Variants in SSH1 observed in about 807,000 individuals in gnomAD.
SSH1 encodes the protein protein phosphatase Slingshot homolog 1.
SSH1 carries 43 observed loss-of-function variants against 79.7 expected under a neutral mutation model. The ratio of observed to expected loss-of-function variants is 0.54; its 90% CI spans 0.42 to 0.70. The LOEUF (loss-of-function observed/expected upper bound fraction) is 0.70, where lower values mean the gene tolerates loss of function less well. Ranked by LOEUF, SSH1 falls within the 30% of genes least tolerant of loss-of-function variation. The pLI is 0.00. For missense variants in SSH1, 1,206 were observed against 1,358.8 expected (o/e 0.89, Z 1.77); for synonymous variants, 599 against 538.3 (o/e 1.11, Z -1.56).
intron 2 of SSH1, among the ~76,000 whole-genome samples, chr12:108,843,817 G>T (rs1028645870): frequency 6.6e-6 from 1 of 152,214 alleles, no homozygotes; most frequent in Non-Finnish European, 1.5e-5. Flanking sequence ...TTACAGGCGT[G>T]AGCCACTGAG....
chr12:108,853,314 G>A (rs933463653), intron 1 of SSH1: 1 of 985,076 alleles, frequency 1.0e-6, no homozygotes, highest in African/African-American at 1.7e-5. Context: ...CACGAGTTTG[G>A]GCTCCAGAAG....
chr12:108,823,393 C>T, intron 2 of SSH1, 32 bp from the exon 3 acceptor site: 1 of 1,529,612 alleles, frequency 6.5e-7, no homozygotes, highest in Non-Finnish European at 8.9e-7. Flanking sequence ...CACAGTTAGA[C>T]CGGAATTCAG....
rs1257855255 is a variant in SSH1 at position 108,787,833 on chromosome 12, T to C, written c.*155A>G. 2 of 971,166 alleles carry C rather than the reference T, an allele frequency of 2.1e-6. No homozygotes were observed. The highest frequency in any genetic ancestry group is 1.6e-5 in the South Asian group (1 of 63,666). 60.2% of individuals were successfully genotyped at this position (971,166 alleles called of 1,614,324 possible). A position where few individuals can be genotyped will look rare whatever the true frequency, so the allele number is the denominator to read the frequency against. Reference sequence around the variant, plus strand: ...TTGTGCTGCATGTTGGTTAGTTTCTTCTCCTCCTCTCTATGGCAAGAGTAG... The same window carrying C: ...TTGTGCTGCATGTTGGTTAGTTTCTCCTCCTCCTCTCTATGGCAAGAGTAG... On this transcript the variant is annotated 3_prime_UTR_variant, in exon 15 of 15. Transcript: ENST00000326495.
intron 6 of SSH1, among the ~76,000 whole-genome samples, chr12:108,810,225 T>A (rs1456618606): frequency 6.6e-6 from 1 of 151,296 alleles, no homozygotes; most frequent in African/African-American, 2.4e-5. Flanking sequence ...ATATAAAATA[T>A]AAAAAATTAA....
rs926194641 is a variant in SSH1 at position 108,847,215 on chromosome 12, C to T, written c.110+5423G>A. Among the ~76,000 whole-genome samples the T allele has an allele frequency of 2.0e-5, 3 of 152,136 alleles. No homozygotes were observed. The South Asian group carries it at 6.2e-4, about 31-fold the overall frequency. On this transcript the variant is annotated intron_variant, in intron 2 of 14. Transcript: ENST00000326495. ...GGCCTGGCCTAGACAAGGAACATCA[C>T]ACAACTACTCCACAACCCTGAAAGG... is the stretch of plus-strand genomic sequence containing the variant.
At chr12:108,810,758 A>G (rs575247926) in intron 6 of SSH1, among the ~76,000 whole-genome samples, 12 of 152,282 alleles carry the variant, frequency 7.9e-5, no homozygotes, top group African/African-American at 2.4e-4. Flanking sequence ...CGGACGCTAG[A>G]CGGCCCCTCA....
chr12:108,787,583 T>G lies in SSH1; in HGVS notation c.*405A>C. ...AGGACTTAATGTTGCCATCCGAGAGTTTTCTGCGAGGCCAAGAATGAGCTA... is the reference window on the plus strand; with the variant it reads ...AGGACTTAATGTTGCCATCCGAGAGGTTTCTGCGAGGCCAAGAATGAGCTA... On this transcript the variant is annotated 3_prime_UTR_variant, in exon 15 of 15. Transcript: ENST00000326495. 5.0e-6 allele frequency: 1 copy of G among 200,158 alleles called. No homozygotes were observed. The highest frequency in any genetic ancestry group is 1.0e-5 in the Non-Finnish European group (1 of 96,920). 12.4% of individuals were successfully genotyped at this position (200,158 alleles called of 1,614,324 possible). A position where few individuals can be genotyped will look rare whatever the true frequency, so the allele number is the denominator to read the frequency against.
rs192211107 is a variant in SSH1 at position 108,781,563 on chromosome 12, C to G, written c.*6425G>C. 1.6e-4 allele frequency: 24 copies of G among 152,326 alleles called. No individual in the cohort carries two copies. Among genetic ancestry groups the G allele is most frequent in the African/African-American group, 5.3e-4 (22 of 41,566 alleles). The allele number at this position is 152,326 out of a possible 1,614,324, so 9.4% of individuals were successfully genotyped here. A position where few individuals can be genotyped will look rare whatever the true frequency, so the allele number is the denominator to read the frequency against. ...GAGAGACAGAGCAAGTCCAGATGAA[C>G]TGAACAAAATACTTCCTGGCTCTGC... On this transcript the variant is annotated 3_prime_UTR_variant, in exon 15 of 15. Transcript: ENST00000326495.
intron 14 of SSH1, among the ~76,000 whole-genome samples, chr12:108,791,141 G>A (rs980066535): frequency 6.6e-6 from 1 of 152,158 alleles, no homozygotes; most frequent in African/African-American, 2.4e-5. Context: ...ACGGAGTCTC[G>A]CTCTGTCACC....
intron 2 of SSH1, among the ~76,000 whole-genome samples, chr12:108,837,920 C>T (rs2038679954): frequency 6.6e-6 from 1 of 152,018 alleles, no homozygotes; most frequent in Non-Finnish European, 1.5e-5. Flanking sequence ...GTAGCTGGGA[C>T]TACAGGTGTG....
chr12:108,790,726 T>C (rs2036467168), intron 14 of SSH1, among the ~76,000 whole-genome samples: 1 of 152,226 alleles, frequency 6.6e-6, no homozygotes, highest in Non-Finnish European at 1.5e-5. Flanking sequence ...CATTATAACA[T>C]GCTGTTAATA....
chr12:108,806,957 C>T (rs1234312238), intron 8 of SSH1, among the ~76,000 whole-genome samples: 2 of 152,238 alleles, frequency 1.3e-5, no homozygotes, highest in African/African-American at 4.8e-5. Context: ...GGCTTCCCAT[C>T]CCTCAGGTCT....
intron 11 of SSH1, among the ~76,000 whole-genome samples, chr12:108,801,887 A>G (rs1342431356): frequency 1.3e-5 from 2 of 152,160 alleles, no homozygotes; most frequent in Admixed American, 1.3e-4. Flanking sequence ...CCAGGCCCCA[A>G]AGCATTAGCT....
chr12:108,796,114 C>A (rs1406238935), intron 13 of SSH1, among the ~76,000 whole-genome samples: 1 of 152,120 alleles, frequency 6.6e-6, no homozygotes, highest in Non-Finnish European at 1.5e-5. Flanking sequence ...CGGGGTTTAA[C>A]CTTGTTGGCC....
At position 108,807,640 on chromosome 12, in the gene SSH1, C is replaced by T. The variant is rs1371251225; in HGVS notation, c.724G>A (p.Val242Met). The change falls in exon 8 of 15, where the codon GTG becomes ATG. Residue 242 changes from valine to methionine, a missense_variant. Val to Met is a conservative substitution (Grantham distance 21, BLOSUM62 1). This residue lies in a region of SSH1 where 116 missense variants were observed against 109.0 expected (regional missense o/e 1.06). Transcript: ENST00000326495. This position sits in a 1 kb window ranked among gnomAD's most constrained non-coding sequence, Gnocchi z 5.2. ...CAGAGGCACCTCACTTACTTGTCCA[C>T]AAATAGCGCGGGGGAGTCGGGCCGC... ...STRPDSPALF[V>M]DKPTEGERTE... 6 of 1,612,490 alleles carry T rather than the reference C, an allele frequency of 3.7e-6. 1 individual carries two copies. Among genetic ancestry groups the T allele is most frequent in the South Asian group, 2.2e-5 (2 of 90,968 alleles).
intron 13 of SSH1, among the ~76,000 whole-genome samples, chr12:108,798,542 G>A (rs772859593): frequency 1.6e-4 from 23 of 146,760 alleles, no homozygotes; most frequent in Non-Finnish European, 3.1e-4. Flanking sequence ...ACTGAGGCTC[G>A]GGAAGACTGA....
Position 108,857,558 on chromosome 12 carries a change from C to T in SSH1, c.-62G>A. On this transcript the variant is annotated 5_prime_UTR_variant, in exon 1 of 15. Transcript: ENST00000326495. This position sits in a 1 kb window ranked among gnomAD's most constrained non-coding sequence, Gnocchi z 4.7. ...GAGCTAGAGCCGCCACCGCCACCGC[C>T]GCCCGGGCCGGGCCCGGGGCCTCCT... The T allele has an allele frequency of 1.0e-6, 1 of 983,140 alleles. No individual in the cohort carries two copies. Among genetic ancestry groups the T allele is most frequent in the Non-Finnish European group, 1.2e-6 (1 of 821,472 alleles). 60.9% of individuals were successfully genotyped at this position (983,140 alleles called of 1,614,324 possible).
intron 2 of SSH1, among the ~76,000 whole-genome samples, chr12:108,836,625 C>T (rs955528059): frequency 2.6e-5 from 4 of 152,110 alleles, no homozygotes; most frequent in Admixed American, 6.5e-5. Context: ...AGAATTGAAA[C>T]GGACATTGAT....
In SSH1 at chr12:108,857,220, A is replaced by G. The variant is rs1439822871; in HGVS notation, c.69+208T>C. On this transcript the variant is annotated intron_variant, in intron 1 of 14. Coordinates refer to ENST00000326495, the MANE Select transcript of SSH1 (RefSeq NM_018984.4). The surrounding 1 kb of genome is among the most constrained non-coding windows in gnomAD (Gnocchi z 4.7). ...CCCGATAGGGGTCACACCGCACACA[A>G]AGTCCCCGCACAGCTCCCCAAGACA... Among the ~76,000 whole-genome samples, 2 of 151,766 alleles carry G rather than the reference A, an allele frequency of 1.3e-5. No individual in the cohort carries two copies. The highest frequency in any genetic ancestry group is 6.5e-5 in the Admixed American group (1 of 15,270).
Sources: gnomAD v4.1 joint callset for allele counts (sites outside exome capture counted in the v4.1 genomes callset) on GRCh38, gnomAD v4.1.1 for gene constraint, gnomAD v4.1.1 regional missense constraint, Gnocchi (gnomAD v3.1) non-coding constraint, MANE v1.5 for transcripts, NCBI Gene and HGNC (gene_info 2026-07-23, HGNC 2026-07-21) for gene names.